The following WDR18 variants were observed in gnomAD, a reference collection of about 807,000 sequenced individuals.
The protein encoded by WDR18 is WD repeat-containing protein 18.
In WDR18, 33 loss-of-function variants were observed where a neutral mutation model predicts 49.6. That is an observed-to-expected ratio of 0.67 (90% CI 0.50 to 0.89). The LOEUF (loss-of-function observed/expected upper bound fraction) is 0.89. Ranked by LOEUF, WDR18 falls within the 40% of genes least tolerant of loss-of-function variation. The pLI, the probability that WDR18 is intolerant of heterozygous loss-of-function variation, is 0.00. For synonymous variants in WDR18, 315 were observed against 263.6 expected (o/e 1.19, Z -1.89); for missense variants, 653 against 593.6 (o/e 1.10, Z -1.04).
intron 1 of WDR18, among the ~76,000 whole-genome samples, chr19:985,530 G>A (rs1017057511): frequency 2.6e-5 from 4 of 152,078 alleles, no homozygotes; most frequent in Non-Finnish European, 4.4e-5. Context: ...GGACATTATG[G>A]ATAGAAGGAT....
chr19:987,875 C>T, intron 2 of WDR18, among the ~76,000 whole-genome samples: 1 of 127,748 alleles, frequency 7.8e-6, no homozygotes, highest in South Asian at 2.8e-4. Flanking sequence ...CGCTCTGTTG[C>T]CCGGGCTGGA....
chr19:983,170 T>C (rs1290948222), upstream of WDR18, among the ~76,000 whole-genome samples: 1 of 152,206 alleles, frequency 6.6e-6, no homozygotes, highest in Non-Finnish European at 1.5e-5. Context: ...AGGCCGGACG[T>C]TGTGGCTGAA....
chr19:994,380 A>G lies in WDR18; in HGVS notation c.*36A>G. 6.3e-7 allele frequency: 1 copy of G among 1,578,032 alleles called. No individual in the cohort carries two copies. The highest frequency in any genetic ancestry group is 2.3e-5 in the East Asian group (1 of 43,118). On this transcript the variant is annotated 3_prime_UTR_variant, in exon 10 of 10. Coordinates refer to ENST00000585809, the MANE Select transcript of WDR18 (RefSeq NM_024100.4). ...CCCCGGCCCGAGGCGCCCAGGCCTG[A>G]GCCCCATGCCTCCCAGCAACCAGGG... is the stretch of plus-strand genomic sequence containing the variant.
intron 2 of WDR18, among the ~76,000 whole-genome samples, chr19:987,829 G>GTTTTGTTTTTT (rs1340731704): frequency 1.1e-5 from 1 of 91,822 alleles, no homozygotes; most frequent in African/African-American, 5.3e-5. Flanking sequence ...GCCGCCTCCA[G>GTTTTGTTTTTT]TTTTTTTTTT....
Position 991,260 on chromosome 19 carries a change from C to A in WDR18, c.840C>A (p.Asp280Glu). 1.9e-6 allele frequency: 3 copies of A among 1,573,338 alleles called. No individual in the cohort carries two copies. Among genetic ancestry groups the A allele is most frequent in the Non-Finnish European group, 2.6e-6 (3 of 1,158,160 alleles). The change falls in exon 7 of 10, where the codon GAC becomes GAA. Residue 280 changes from aspartate (D) to glutamate (E), a missense_variant. By Grantham distance (45) the Asp-to-Glu change is conservative (BLOSUM62 2). Transcript: ENST00000585809. ...NQVTCLSVST[D>E]GSVLLSGSHD... ...TGACTTGCCTGTCAGTGTCCACTGA[C>A]GGCAGCGTGCTGCTCTCAGGCTCCC...
At position 994,051 on chromosome 19, in the gene WDR18, A is replaced by G; in HGVS notation, c.1130A>G (p.Glu377Gly). Residue 377 changes from glutamate (E) to glycine (G), a missense_variant, in exon 9 of 10, where the codon GAG (glutamate) becomes GGG (glycine). By Grantham distance (98) the Glu-to-Gly change is moderately conservative (BLOSUM62 -2). Coordinates refer to ENST00000585809, the MANE Select transcript of WDR18 (RefSeq NM_024100.4). ...GSEPSYLDRT[E>G]QLQAVLCSTM... ...GAGCCCAGCTACCTGGACCGCACGGAGCAGCTGCAGGCCGTCCTGTGCAGC... is the reference window on the plus strand; with the variant it reads ...GAGCCCAGCTACCTGGACCGCACGGGGCAGCTGCAGGCCGTCCTGTGCAGC... 1 of 1,560,800 alleles carries G rather than the reference A, an allele frequency of 6.4e-7. No homozygotes were observed.
rs2038521413 is a variant in WDR18 at position 989,910 on chromosome 19, A to G, written c.455+15A>G. On this transcript the variant is annotated intron_variant, in intron 3 of 9. Transcript: ENST00000585809. Reference sequence around the variant, plus strand: ...AGCCTCTGCAGGTAGCGCCTTGCGCACTCAGGCCTGCACCTGGAACTGCAC... The same window carrying G: ...AGCCTCTGCAGGTAGCGCCTTGCGCGCTCAGGCCTGCACCTGGAACTGCAC... 1.3e-6 allele frequency: 2 copies of G among 1,592,114 alleles called. No individual in the cohort carries two copies. Among genetic ancestry groups the G allele is most frequent in the South Asian group, 2.3e-5 (2 of 87,998 alleles).
chr19:990,238 C>T lies in WDR18; in HGVS notation c.471C>T (p.Asp157=), dbSNP rs117300378. The change falls in exon 4 of 10, where the codon GAC becomes GAT. Residue 157 remains aspartate, a synonymous_variant. Coordinates refer to ENST00000585809, the MANE Select transcript of WDR18 (RefSeq NM_024100.4). ...VWSLCSVLQA[D]PSRIPAPRHV... is the part of the protein sequence containing the mutation. ...CCCCGCTCAGCGTGCTGCAGGCCGA[C>T]CCCTCCAGGATTCCGGCGCCCAGGC... The T allele has an allele frequency of 0.066, 106,220 of 1,597,690 alleles. 4,049 individuals carry two copies. The highest frequency in any genetic ancestry group is 0.088 in the South Asian group (7,997 of 90,814).
Position 984,392 on chromosome 19 carries a change from G to T in WDR18, c.39G>T (p.Ser13=), listed in dbSNP as rs773041981. Residue 13 remains serine, a synonymous_variant, in exon 1 of 10, where the codon TCG becomes TCT. Coordinates refer to ENST00000585809, the MANE Select transcript of WDR18 (RefSeq NM_024100.4). ...TGGAGGTGGCCGTGTGTACGGACTC[G>T]GCGGCCCCGATGTGGAGCTGCATCG... ...APMEVAVCTD[S]AAPMWSCIVW... The T allele has an allele frequency of 9.4e-6, 15 of 1,601,126 alleles. No individual in the cohort carries two copies. In the East Asian group the frequency reaches 3.2e-4, roughly 35 times the overall value.
chr19:985,832 A>T, intron 1 of WDR18, 33 bp from the exon 2 acceptor site: 1 of 1,608,742 alleles, frequency 6.2e-7, no homozygotes, highest in Non-Finnish European at 8.5e-7. Flanking sequence ...CGTGTCCTGC[A>T]TGGGGCTCAC....
Position 990,278 on chromosome 19 carries a change from C to T in WDR18, c.511C>T (p.His171Tyr), listed in dbSNP as rs775950378. 1.7e-5 allele frequency: 27 copies of T among 1,599,510 alleles called. No homozygotes were observed. The highest frequency in any genetic ancestry group is 2.0e-5 in the Non-Finnish European group (23 of 1,179,220). The change falls in exon 4 of 10, where the codon CAC becomes TAC. Residue 171 changes from histidine to tyrosine, a missense_variant. Physicochemically the swap from His to Tyr is moderately conservative, Grantham distance 83 (BLOSUM62 2). Coordinates refer to ENST00000585809, the MANE Select transcript of WDR18 (RefSeq NM_024100.4). ...IPAPRHVWSHHALPITDLHCG... is the reference protein window; with the variant it reads ...IPAPRHVWSHYALPITDLHCG... ...GGCGCCCAGGCACGTCTGGTCTCAC[C>T]ACGCGCTCCCCATCACGGACCTGCA...
chr19:987,829 G>GTTTGTTTTTTTTTT (rs2038490509), intron 2 of WDR18, among the ~76,000 whole-genome samples: 1 of 91,822 alleles, frequency 1.1e-5, no homozygotes, highest in Non-Finnish European at 2.0e-5. Flanking sequence ...GCCGCCTCCA[G>GTTTGTTTTTTTTTT]TTTTTTTTTT....
chr19:991,994 G>A lies in WDR18; in HGVS notation c.971G>A (p.Ser324Asn). 1 of 1,597,756 alleles carries A rather than the reference G, an allele frequency of 6.3e-7. No homozygotes were observed. The highest frequency in any genetic ancestry group is 2.3e-5 in the East Asian group (1 of 43,932). The stretch of plus-strand genomic sequence containing the variant: ...GCCGCCATCCTGCTGGCGCCCGTCA[G>A]CATGCTGAGCTCAGACTTCAGGCCC... ...TNAAILLAPV[S>N]MLSSDFRPSL... Residue 324 changes from serine (S) to asparagine (N), a missense_variant, in exon 8 of 10, where the codon AGC (serine) becomes AAC (asparagine). Coordinates refer to ENST00000585809, the MANE Select transcript of WDR18 (RefSeq NM_024100.4).
At chr19:990,755 G>A in intron 4 of WDR18, 97 bp from the exon 5 acceptor site, 2 of 1,486,804 alleles carry the variant, frequency 1.3e-6, no homozygotes, top group Non-Finnish European at 1.8e-6. Context: ...TAGGGCCAGA[G>A]GACAGCCGAC....
chr19:986,420 C>T lies in WDR18; in HGVS notation c.321+445C>T, dbSNP rs2038475853. The stretch of plus-strand genomic sequence containing the variant: ...GAGTAGCTGGGATTCCAGGCGCCCA[C>T]CACCACACCTGGCTAATTTGTTTGT... On this transcript the variant is annotated intron_variant, in intron 2 of 9. Coordinates refer to ENST00000585809, the MANE Select transcript of WDR18 (RefSeq NM_024100.4). 1.3e-5 allele frequency among the ~76,000 whole-genome samples: 2 copies of T among 152,176 alleles called. 1 individual carries two copies. The highest frequency in any genetic ancestry group is 4.1e-4 in the South Asian group (2 of 4,828).
intron 4 of WDR18, 118 bp from the exon 5 acceptor site, chr19:990,734 G>T: frequency 2.1e-6 from 3 of 1,422,072 alleles, no homozygotes; most frequent in Non-Finnish European, 2.8e-6. Context: ...TTCACCCAAA[G>T]TCGCAAGCCC....
intron 2 of WDR18, among the ~76,000 whole-genome samples, chr19:988,472 C>T (rs961616687): frequency 6.6e-6 from 1 of 152,224 alleles, no homozygotes; most frequent in African/African-American, 2.4e-5. Context: ...GATCCTGCTT[C>T]CTCTGGTGCC....
chr19:992,073 CGA>C lies in WDR18; in HGVS notation c.1052_1053del (p.Glu351AlafsTer147). 1 of 1,553,586 alleles carries C rather than the reference CGA, an allele frequency of 6.4e-7. No individual in the cohort carries two copies. The highest frequency in any genetic ancestry group is 2.5e-5 in the East Asian group (1 of 40,530). ...KHLLGAEHGD[E>X]PRHGGLTLRL... ...ACCTGCTGGGCGCCGAGCACGGGGA[CGA>C]GCCGCGCCACGGGGGCCTCACTCTG... On this transcript the variant is annotated frameshift_variant, in exon 8 of 10. Transcript: ENST00000585809. LOFTEE classifies it high-confidence loss of function.
At position 989,762 on chromosome 19, in the gene WDR18, G is replaced by T; in HGVS notation, c.322G>T (p.Val108Phe). Residue 108 changes from valine (V) to phenylalanine (F), a missense_variant and splice_region_variant, in exon 3 of 10, where the codon GTC (valine) becomes TTC (phenylalanine). Physicochemically the swap from Val to Phe is conservative, Grantham distance 50. Transcript: ENST00000585809. Reference sequence around the variant, plus strand: ...CCTGGATACCCTCTGCCCCTCACAGGTCTCCACCGGGAACCTTCTGGTCAT... The same window carrying T: ...CCTGGATACCCTCTGCCCCTCACAGTTCTCCACCGGGAACCTTCTGGTCAT... ...GVAESIHLWE[V>F]STGNLLVILS... 1 of 1,612,626 alleles carries T rather than the reference G, an allele frequency of 6.2e-7. No homozygotes were observed. The highest frequency in any genetic ancestry group is 8.5e-7 in the Non-Finnish European group (1 of 1,179,892).
Sources: allele counts gnomAD v4.1 joint callset (sites outside exome capture counted in the v4.1 genomes callset), GRCh38; gene constraint gnomAD v4.1.1; transcripts MANE v1.5; gene names NCBI Gene and HGNC (gene_info 2026-07-23, HGNC 2026-07-21).